Variants in USP37 observed in about 807,000 individuals in gnomAD.
The protein encoded by USP37 is ubiquitin carboxyl-terminal hydrolase 37.
USP37 carries 27 observed loss-of-function variants against 124.0 expected under a neutral mutation model. That is an observed-to-expected ratio of 0.22 (90% CI 0.16 to 0.30). The LOEUF (loss-of-function observed/expected upper bound fraction) is 0.30, where lower values mean the gene tolerates loss of function less well. Ranked by LOEUF, USP37 falls within the 10% of genes least tolerant of loss-of-function variation. The probability of loss-of-function intolerance (pLI) is 1.00; values close to 1 mark genes in which losing one functional copy is unlikely to be tolerated. For missense variants in USP37, 889 were observed against 1,140.4 expected (o/e 0.78, Z 3.17); for synonymous variants, 365 against 388.0 (o/e 0.94, Z 0.70).
chr2:218,550,424 C>T (rs973692864), intron 5 of USP37, among the ~76,000 whole-genome samples: 1 of 121,472 alleles, frequency 8.2e-6, no homozygotes, highest in Non-Finnish European at 1.7e-5. Flanking sequence ...TTTGCATATA[C>T]TTTTAAAAAT....
chr2:218,537,465 C>T (rs928371959), intron 8 of USP37, among the ~76,000 whole-genome samples: 2 of 152,206 alleles, frequency 1.3e-5, no homozygotes, highest in African/African-American at 4.8e-5. Flanking sequence ...CAAACTCTAG[C>T]CAAACCATCT....
intron 8 of USP37, among the ~76,000 whole-genome samples, chr2:218,535,496 G>C (rs1691579837): frequency 6.6e-6 from 1 of 151,848 alleles, no homozygotes; most frequent in South Asian, 2.1e-4. Context: ...CGGATCACCT[G>C]AGGTTGGGAG....
At chr2:218,517,210 T>C (rs893887425) in intron 10 of USP37, among the ~76,000 whole-genome samples, 2 of 152,244 alleles carry the variant, frequency 1.3e-5, no homozygotes, top group Admixed American at 6.5e-5. Context: ...ATTTAATTAT[T>C]CTGTGTCTTC....
In USP37 at chr2:218,561,350, A is replaced by C. The variant is rs114826397; in HGVS notation, c.-88-467T>G. 6.3e-3 allele frequency among the ~76,000 whole-genome samples: 952 copies of C among 152,258 alleles called. 10 individuals are homozygous for C. Among genetic ancestry groups the C allele is most frequent in the African/African-American group, 0.022 (916 of 41,560 alleles). On this transcript the variant is annotated intron_variant, in intron 2 of 25. Coordinates refer to ENST00000258399, the MANE Select transcript of USP37 (RefSeq NM_020935.3). ...ATTAGATTAGAGATGGAAAGTCAGG[A>C]GAATCCCATCAATTCTGCCTCCACA...
intron 4 of USP37, among the ~76,000 whole-genome samples, chr2:218,557,754 C>T (rs1455579214): frequency 7.1e-6 from 1 of 140,948 alleles, no homozygotes; most frequent in Non-Finnish European, 1.5e-5. Flanking sequence ...TGGTGAAACC[C>T]TGTCTCTACT....
At chr2:218,547,582 C>T (rs907383992) in intron 6 of USP37, among the ~76,000 whole-genome samples, 1 of 118,158 alleles carries the variant, frequency 8.5e-6, no homozygotes, top group Admixed American at 8.4e-5. Flanking sequence ...GAATTACTAA[C>T]CAAAAAAAAA....
intron 16 of USP37, among the ~76,000 whole-genome samples, chr2:218,484,397 G>C (rs1461047182): frequency 2.0e-5 from 3 of 150,976 alleles, no homozygotes; most frequent in African/African-American, 7.3e-5. Context: ...CAAGGCAGGT[G>C]GATCACCTGA....
chr2:218,568,231 C>G lies in USP37; in HGVS notation c.-283G>C, dbSNP rs1693773031. On this transcript the variant is annotated 5_prime_UTR_variant, in exon 1 of 26. Transcript: ENST00000258399. ...AGACCCGCGGAAAGCACGGAGCCCG[C>G]GAGGAGTGGGAGGAGCCGAGGGTAA... is the stretch of plus-strand genomic sequence containing the variant. 1 of 152,318 alleles carries G rather than the reference C, an allele frequency of 6.6e-6. No homozygotes were observed. Among genetic ancestry groups the G allele is most frequent in the Non-Finnish European group, 1.5e-5 (1 of 68,122 alleles). The allele number at this position is 152,318 out of a possible 1,614,324, so 9.4% of individuals were successfully genotyped here. A position where few individuals can be genotyped will look rare whatever the true frequency, so the allele number is the denominator to read the frequency against.
chr2:218,537,430 A>G (rs1219930829), intron 8 of USP37, among the ~76,000 whole-genome samples: 3 of 152,192 alleles, frequency 2.0e-5, no homozygotes, highest in Admixed American at 6.5e-5. Flanking sequence ...GGCCAGTTAT[A>G]TGAGTGAGGC....
At chr2:218,467,307 G>C (rs968823936) in intron 20 of USP37, among the ~76,000 whole-genome samples, 1 of 136,360 alleles carries the variant, frequency 7.3e-6, no homozygotes, top group Non-Finnish European at 1.6e-5. Context: ...ACCATGCCCA[G>C]CTAATCTATA....
intron 10 of USP37, among the ~76,000 whole-genome samples, chr2:218,529,074 GATA>G (rs1440145765): frequency 6.6e-6 from 1 of 152,152 alleles, no homozygotes; most frequent in African/African-American, 2.4e-5. Context: ...TCTACAGTCT[GATA>G]ATATTGTCTG....
chr2:218,546,201 A>G lies in USP37; in HGVS notation c.680+20T>C, dbSNP rs905330514. 3.8e-6 allele frequency: 6 copies of G among 1,589,264 alleles called. No homozygotes were observed. The highest frequency in any genetic ancestry group is 5.2e-6 in the Non-Finnish European group (6 of 1,160,510). On this transcript the variant is annotated intron_variant, in intron 8 of 25. Transcript: ENST00000258399. ...AAGAAACACTGCTCTAACACTATAA[A>G]GGCCCTTAAAGTAACTTACGATGAT...
In USP37 at chr2:218,453,248, GTTTT is replaced by G. The variant is rs147013574; in HGVS notation, c.*1678_*1681del. The G allele has an allele frequency of 1.3e-5, 2 of 151,372 alleles. No individual in the cohort carries two copies. Among genetic ancestry groups the G allele is most frequent in the East Asian group, 1.9e-4 (1 of 5,168 alleles). The allele number at this position is 151,372 out of a possible 1,614,324, so 9.4% of individuals were successfully genotyped here. A position where few individuals can be genotyped will look rare whatever the true frequency, so the allele number is the denominator to read the frequency against. ...TGCATCTTCTGTGATGATGGTTTGT[GTTTT>G]TTTTGTTTTTGTTTTCGTTTTTTTT... On this transcript the variant is annotated 3_prime_UTR_variant, in exon 26 of 26. Transcript: ENST00000258399.
Position 218,530,578 on chromosome 2 carries a change from C to T in USP37, c.779-538G>A, listed in dbSNP as rs552288895. Among the ~76,000 whole-genome samples the T allele has an allele frequency of 2.6e-5, 4 of 152,230 alleles. No homozygotes were observed. In the South Asian group the frequency reaches 8.3e-4, roughly 32 times the overall value. On this transcript the variant is annotated intron_variant, in intron 9 of 25. Transcript: ENST00000258399. Reference sequence around the variant, plus strand: ...ATTGAAATTAGGATAATTAATAACCCTACAATGACCTCTGTGTTTTTAAGT... The same window carrying T: ...ATTGAAATTAGGATAATTAATAACCTTACAATGACCTCTGTGTTTTTAAGT...
intron 4 of USP37, among the ~76,000 whole-genome samples, chr2:218,557,990 T>C (rs1234237583): frequency 6.9e-6 from 1 of 144,906 alleles, no homozygotes; most frequent in African/African-American, 2.6e-5. Flanking sequence ...AAATGAAGAT[T>C]CTTCAAAACT....
At chr2:218,518,271 T>C (rs1690408890) in intron 10 of USP37, among the ~76,000 whole-genome samples, 1 of 152,242 alleles carries the variant, frequency 6.6e-6, no homozygotes, top group Non-Finnish European at 1.5e-5. Flanking sequence ...AAATCTGTGA[T>C]AATTTCACAG....
chr2:218,552,586 CAAA>C (rs1298537314), intron 5 of USP37, among the ~76,000 whole-genome samples: 58 of 136,934 alleles, frequency 4.2e-4, no homozygotes, highest in African/African-American at 1.5e-3. Context: ...GACACTGTCT[CAAA>C]AAAAAGAAAA....
At chr2:218,539,629 C>T (rs551955016) in intron 8 of USP37, among the ~76,000 whole-genome samples, 40 of 151,992 alleles carry the variant, frequency 2.6e-4, no homozygotes, top group South Asian at 6.3e-4. Flanking sequence ...GTGGAAGGAT[C>T]GCCTGAGCCC....
Position 218,520,950 on chromosome 2 carries a change from G to A in USP37, c.863+9006C>T, listed in dbSNP as rs141597785. 6.6e-4 allele frequency among the ~76,000 whole-genome samples: 100 copies of A among 152,294 alleles called. 1 individual carries two copies. The East Asian group carries it at 0.018, about 27-fold the overall frequency. The stretch of plus-strand genomic sequence containing the variant: ...TGGTGGAAGGTGATTGGATCATGGA[G>A]GTGGATCCTTCGTGAACACTTTAGC... On this transcript the variant is annotated intron_variant, in intron 10 of 25. Coordinates refer to ENST00000258399, the MANE Select transcript of USP37 (RefSeq NM_020935.3).
Sources: allele counts gnomAD v4.1 joint callset (sites outside exome capture counted in the v4.1 genomes callset), GRCh38; gene constraint gnomAD v4.1.1; transcripts MANE v1.5; gene names NCBI Gene and HGNC (gene_info 2026-07-23, HGNC 2026-07-21).